Variants in EXOC6 observed in about 807,000 individuals in gnomAD.
EXOC6 encodes the protein exocyst complex component 6, also known as SEC15-like 1.
In EXOC6, 60 loss-of-function variants were observed where a neutral mutation model predicts 112.5. The ratio of observed to expected loss-of-function variants is 0.53; its 90% CI spans 0.43 to 0.66. The LOEUF is 0.66. EXOC6 is among the 30% of genes least tolerant of loss of function. The pLI is 0.00. For synonymous variants in EXOC6, 295 were observed against 308.0 expected (o/e 0.96, Z 0.44); for missense variants, 855 against 957.1 (o/e 0.89, Z 1.41).
chr10:92,972,631 C>T (rs907518875), intron 17 of EXOC6, among the ~76,000 whole-genome samples: 8 of 152,092 alleles, frequency 5.3e-5, no homozygotes, highest in Admixed American at 3.9e-4. Flanking sequence ...GAAACTTAGG[C>T]CAAATCTATC....
At chr10:92,839,348 C>T (rs118087051) in intron 1 of EXOC6, among the ~76,000 whole-genome samples, 2,188 of 152,218 alleles carry the variant, frequency 0.014, 19 homozygotes, top group Non-Finnish European at 0.024. Context: ...AATGGCTGTC[C>T]GGGGCCATGT....
At chr10:92,918,422 T>TA (rs1323333647) in intron 7 of EXOC6, among the ~76,000 whole-genome samples, 1 of 151,834 alleles carries the variant, frequency 6.6e-6, no homozygotes, top group East Asian at 1.9e-4. Flanking sequence ...ATTTCTTTTT[T>TA]TTTTTTTTTG....
chr10:93,023,127 G>C (rs1053003733), intron 20 of EXOC6, among the ~76,000 whole-genome samples: 11 of 143,240 alleles, frequency 7.7e-5, no homozygotes, highest in African/African-American at 2.9e-4. Context: ...TTTTTTTTTA[G>C]TTTGAATTTG....
intron 7 of EXOC6, among the ~76,000 whole-genome samples, chr10:92,916,662 C>T (rs1278585712): frequency 6.6e-6 from 1 of 152,242 alleles, no homozygotes; most frequent in East Asian, 1.9e-4. Context: ...CAATCTGTCT[C>T]CCCGGTAAAA....
At chr10:92,980,773 A>G (rs2134120436) in intron 18 of EXOC6, among the ~76,000 whole-genome samples, 1 of 152,300 alleles carries the variant, frequency 6.6e-6, no homozygotes. Flanking sequence ...TAAATGTATA[A>G]GTTTCCCTTC....
intron 5 of EXOC6, chr10:92,901,550 C>G (rs774012978): frequency 6.7e-6 from 1 of 149,258 alleles, no homozygotes; most frequent in Non-Finnish European, 1.5e-5. Context: ...CAAGCCAATT[C>G]CTGTGTCTTT....
At chr10:92,886,755 T>G (rs1312628979) in intron 1 of EXOC6, among the ~76,000 whole-genome samples, 1 of 152,226 alleles carries the variant, frequency 6.6e-6, no homozygotes, top group South Asian at 2.1e-4. Flanking sequence ...GCCAGAAGTA[T>G]GTCTGGAATA....
At position 92,922,048 on chromosome 10, in the gene EXOC6, C is replaced by T. The variant is rs542331543; in HGVS notation, c.888+1998C>T. On this transcript the variant is annotated intron_variant, in intron 8 of 21. Coordinates refer to ENST00000260762, the MANE Select transcript of EXOC6 (RefSeq NM_019053.6). Reference sequence around the variant, plus strand: ...ACAACCTGCGCCTCCTGGGTTCAAGCGATTCTACTACCTTAGCCTCCCAAG... The same window carrying T: ...ACAACCTGCGCCTCCTGGGTTCAAGTGATTCTACTACCTTAGCCTCCCAAG... Among the ~76,000 whole-genome samples the T allele has an allele frequency of 2.7e-4, 41 of 151,954 alleles. 1 individual carries two copies. Among genetic ancestry groups the T allele is most frequent in the Non-Finnish European group, 5.4e-4 (37 of 67,988 alleles).
chr10:92,972,851 C>T (rs1022610056), intron 17 of EXOC6, among the ~76,000 whole-genome samples: 4 of 152,198 alleles, frequency 2.6e-5, no homozygotes, highest in African/African-American at 9.7e-5. Context: ...TAAATGAGAG[C>T]TTGGAGCCTT....
chr10:93,004,679 G>T (rs1843898924), intron 19 of EXOC6, among the ~76,000 whole-genome samples: 1 of 152,116 alleles, frequency 6.6e-6, no homozygotes, highest in South Asian at 2.1e-4. Flanking sequence ...GGTCAAAGTG[G>T]ATACAATGTC....
At chr10:92,944,220 C>T (rs1852837521) in intron 13 of EXOC6, among the ~76,000 whole-genome samples, 1 of 131,536 alleles carries the variant, frequency 7.6e-6, no homozygotes, top group East Asian at 2.0e-4. Context: ...TTTGAGATAC[C>T]GATCTTTTTT....
At chr10:92,891,444 C>T (rs1849494782) in intron 1 of EXOC6, among the ~76,000 whole-genome samples, 2 of 152,136 alleles carry the variant, frequency 1.3e-5, no homozygotes, top group African/African-American at 4.8e-5. Context: ...TTATATTTGA[C>T]GTACATTAGA....
intron 1 of EXOC6, among the ~76,000 whole-genome samples, chr10:92,857,888 G>A (rs1283303315): frequency 6.6e-6 from 1 of 151,748 alleles, no homozygotes; most frequent in Non-Finnish European, 1.5e-5. Flanking sequence ...TTGTAAGGCT[G>A]GTCTGCTTGA....
chr10:93,037,683 G>T (rs1281266800), intron 20 of EXOC6, among the ~76,000 whole-genome samples: 1 of 151,698 alleles, frequency 6.6e-6, no homozygotes, highest in South Asian at 2.1e-4. Context: ...CAGGTGATCC[G>T]CCTGCCTTAG....
intron 17 of EXOC6, among the ~76,000 whole-genome samples, chr10:92,964,138 T>C (rs1270734789): frequency 6.6e-6 from 1 of 151,844 alleles, no homozygotes; most frequent in Non-Finnish European, 1.5e-5. Context: ...GATTTTTAAG[T>C]ACTAAATGTA....
At chr10:92,964,027 A>G (rs576333675) in intron 17 of EXOC6, among the ~76,000 whole-genome samples, 1 of 151,902 alleles carries the variant, frequency 6.6e-6, no homozygotes, top group East Asian at 1.9e-4. Flanking sequence ...TCACAGTAAT[A>G]TATAATGAAA....
chr10:92,829,082 C>T (rs1210828875), intron 1 of EXOC6, among the ~76,000 whole-genome samples: 1 of 152,052 alleles, frequency 6.6e-6, no homozygotes, highest in Non-Finnish European at 1.5e-5. Flanking sequence ...TAGGGAAAGG[C>T]CACCTGGGAC....
At chr10:92,853,087 A>G (rs1476131608) in intron 1 of EXOC6, among the ~76,000 whole-genome samples, 2 of 152,200 alleles carry the variant, frequency 1.3e-5, no homozygotes, top group Admixed American at 6.5e-5. Context: ...GCAAAAGCCA[A>G]TTGTGTTTCT....
At chr10:92,873,070 C>T (rs189834724) in intron 1 of EXOC6, among the ~76,000 whole-genome samples, 63 of 152,282 alleles carry the variant, frequency 4.1e-4, no homozygotes, top group Non-Finnish European at 7.1e-4. Flanking sequence ...TTTATTTTCG[C>T]AATTCATTTT....
Sources: gnomAD v4.1 joint callset for allele counts (sites outside exome capture counted in the v4.1 genomes callset) on GRCh38, gnomAD v4.1.1 for gene constraint, MANE v1.5 for transcripts, NCBI Gene and HGNC (gene_info 2026-07-23, HGNC 2026-07-21) for gene names.